Variants in GNAQ observed in about 807,000 individuals in gnomAD.
The protein encoded by GNAQ is G protein subunit alpha q.
Under a neutral mutation model 43.9 loss-of-function variants are expected in GNAQ, and 8 were observed. The observed-to-expected ratio is 0.18, with a 90% CI of 0.11 to 0.33. GNAQ has a LOEUF of 0.33. GNAQ is among the 10% of genes least tolerant of loss of function. The pLI is 1.00. For missense variants in GNAQ, 158 were observed against 450.8 expected (o/e 0.35, Z 5.88); for synonymous variants, 155 against 170.7 (o/e 0.91, Z 0.71).
chr9:77,769,530 G>T (rs1271968230), intron 5 of GNAQ, among the ~76,000 whole-genome samples: 1 of 152,148 alleles, frequency 6.6e-6, no homozygotes. Context: ...ACACAGGCAG[G>T]AAGAAGGTGA....
chr9:77,964,390 T>C (rs1178656466), intron 1 of GNAQ, among the ~76,000 whole-genome samples: 1 of 152,036 alleles, frequency 6.6e-6, no homozygotes, highest in Admixed American at 6.6e-5. Flanking sequence ...ATAAACCAAG[T>C]AGAGAGAAAT....
At chr9:77,888,630 TAA>T (rs34736307) in intron 2 of GNAQ, among the ~76,000 whole-genome samples, 1 of 152,152 alleles carries the variant, frequency 6.6e-6, no homozygotes, top group Non-Finnish European at 1.5e-5. Flanking sequence ...CTGCTTGCCT[TAA>T]AAAAAGTACT....
chr9:77,915,754 T>C (rs1279513399), intron 2 of GNAQ, among the ~76,000 whole-genome samples: 1 of 152,224 alleles, frequency 6.6e-6, no homozygotes, highest in Admixed American at 6.5e-5. Flanking sequence ...ACCCCTTTAC[T>C]TCTTTCCACT....
intron 5 of GNAQ, among the ~76,000 whole-genome samples, chr9:77,787,845 C>G (rs1158194157): frequency 1.4e-4 from 21 of 152,048 alleles, no homozygotes; most frequent in Admixed American, 1.4e-3. Flanking sequence ...GCCTGGCCAA[C>G]ATGGTGAAAC....
intron 5 of GNAQ, among the ~76,000 whole-genome samples, chr9:77,792,674 T>C (rs990268494): frequency 4.6e-5 from 7 of 152,168 alleles, no homozygotes; most frequent in Non-Finnish European, 8.8e-5. Flanking sequence ...CATCATGACA[T>C]ATACTTCTTC....
intron 1 of GNAQ, among the ~76,000 whole-genome samples, chr9:77,946,943 A>C (rs1257022028): frequency 6.6e-6 from 1 of 152,246 alleles, no homozygotes; most frequent in African/African-American, 2.4e-5. Context: ...CACAAAATAA[A>C]TTCTGTAACT....
At chr9:77,928,863 T>C (rs1829106336) in intron 1 of GNAQ, among the ~76,000 whole-genome samples, 2 of 151,968 alleles carry the variant, frequency 1.3e-5, no homozygotes, top group Admixed American at 1.3e-4. Context: ...CTACTAAAAA[T>C]ACAAAAATTA....
chr9:77,888,643 C>G (rs1466063306), intron 2 of GNAQ, among the ~76,000 whole-genome samples: 2 of 152,122 alleles, frequency 1.3e-5, no homozygotes, highest in Non-Finnish European at 2.9e-5. Context: ...AAAAAGTACT[C>G]TGAATCTTGA....
chr9:77,765,409 A>C (rs1416748931), intron 5 of GNAQ, among the ~76,000 whole-genome samples: 11 of 152,220 alleles, frequency 7.2e-5, no homozygotes, highest in Admixed American at 7.2e-4. Flanking sequence ...CCTACAACTC[A>C]ATAACAAGAG....
intron 1 of GNAQ, among the ~76,000 whole-genome samples, chr9:77,981,412 G>C (rs1419767187): frequency 6.6e-6 from 1 of 152,192 alleles, no homozygotes; most frequent in Admixed American, 6.5e-5. Context: ...TCCTTTGCAA[G>C]AGGCTGTGCC....
chr9:77,926,050 G>A (rs1829068456), intron 1 of GNAQ, among the ~76,000 whole-genome samples: 1 of 152,036 alleles, frequency 6.6e-6, no homozygotes, highest in Admixed American at 6.6e-5. Flanking sequence ...TCTATCCAAT[G>A]TTGGTTGAAT....
chr9:77,793,060 T>A (rs928363518), intron 5 of GNAQ, among the ~76,000 whole-genome samples: 2 of 152,100 alleles, frequency 1.3e-5, no homozygotes, highest in East Asian at 3.8e-4. Flanking sequence ...TCAGAAGTGT[T>A]AGAATAGATC....
At position 77,749,429 on chromosome 9, in the gene GNAQ, A is replaced by G. The variant is rs1825779223; in HGVS notation, c.736-20762T>C. ...CAGAAGGCTTTAAATATGTTAGCAG[A>G]TCCTTCTATCCTTCCTTTTCTCTTT... On this transcript the variant is annotated intron_variant, in intron 5 of 6. Coordinates refer to ENST00000286548, the MANE Select transcript of GNAQ (RefSeq NM_002072.5). 2.0e-5 allele frequency among the ~76,000 whole-genome samples: 3 copies of G among 152,238 alleles called. No individual in the cohort carries two copies. In the South Asian group the frequency reaches 6.2e-4, roughly 31 times the overall value.
chr9:77,787,965 G>A (rs370884450), intron 5 of GNAQ, among the ~76,000 whole-genome samples: 1 of 152,150 alleles, frequency 6.6e-6, no homozygotes, highest in African/African-American at 2.4e-5. Context: ...GGGAGGCAGA[G>A]GCTGCAAGTG....
chr9:77,834,969 T>A (rs531829125), intron 2 of GNAQ, among the ~76,000 whole-genome samples: 1 of 152,286 alleles, frequency 6.6e-6, no homozygotes, highest in South Asian at 2.1e-4. Flanking sequence ...CATATTACAG[T>A]ACTTCCCTCC....
chr9:78,022,801 C>T (rs1347851070), intron 1 of GNAQ, among the ~76,000 whole-genome samples: 1 of 152,136 alleles, frequency 6.6e-6, no homozygotes, highest in Non-Finnish European at 1.5e-5. Context: ...CTCTGCAAAG[C>T]GCAGGTCCTA....
chr9:78,006,802 C>T (rs1389235280), intron 1 of GNAQ, among the ~76,000 whole-genome samples: 1 of 152,178 alleles, frequency 6.6e-6, no homozygotes, highest in Non-Finnish European at 1.5e-5. Context: ...ATTTTCTTAA[C>T]CTCAGAGATA....
intron 2 of GNAQ, among the ~76,000 whole-genome samples, chr9:77,865,945 A>G (rs190456790): frequency 1.8e-4 from 27 of 152,352 alleles, no homozygotes; most frequent in African/African-American, 6.0e-4. Flanking sequence ...CAGTGCTAGG[A>G]ATATAATGAT....
chr9:77,889,505 A>C (rs1476725139), intron 2 of GNAQ, among the ~76,000 whole-genome samples: 2 of 145,254 alleles, frequency 1.4e-5, no homozygotes, highest in African/African-American at 5.1e-5. Context: ...ATCTGTTTCT[A>C]GCATCTTGCT....
Sources: gnomAD v4.1 joint callset for allele counts (sites outside exome capture counted in the v4.1 genomes callset) on GRCh38, gnomAD v4.1.1 for gene constraint, MANE v1.5 for transcripts, NCBI Gene and HGNC (gene_info 2026-07-23, HGNC 2026-07-21) for gene names.